Variants in MDGA2 observed in about 807,000 individuals in gnomAD.
MDGA2 encodes MAM domain-containing glycosylphosphatidylinositol anchor protein 2.
Under a neutral mutation model 117.8 loss-of-function variants are expected in MDGA2, and 40 were observed. That is an observed-to-expected ratio of 0.34 (90% CI 0.26 to 0.44). The LOEUF is 0.44. MDGA2 is among the 20% of genes least tolerant of loss of function. MDGA2 has a pLI of 1.00. For synonymous variants in MDGA2, 452 were observed against 439.0 expected (o/e 1.03, Z -0.37); for missense variants, 1,123 against 1,250.6 (o/e 0.90, Z 1.54).
intron 9 of MDGA2, among the ~76,000 whole-genome samples, chr14:46,944,639 A>G (rs1188210717): frequency 4.6e-5 from 7 of 151,586 alleles, no homozygotes; most frequent in African/African-American, 1.7e-4. Flanking sequence ...CAATCCCTCT[A>G]TTTTTTGATC....
chr14:47,451,744 G>A (rs999645049), intron 1 of MDGA2, among the ~76,000 whole-genome samples: 3 of 152,022 alleles, frequency 2.0e-5, no homozygotes, highest in Non-Finnish European at 2.9e-5. Context: ...CTGCCCAGTG[G>A]ATTTTTTTAT....
chr14:47,514,831 G>A (rs1594894999), intron 1 of MDGA2, among the ~76,000 whole-genome samples: 1 of 151,990 alleles, frequency 6.6e-6, no homozygotes, highest in South Asian at 2.1e-4. Context: ...TTACAAGGGG[G>A]TCACATCATG....
chr14:47,189,520 T>C (rs1208627285), intron 3 of MDGA2, among the ~76,000 whole-genome samples: 2 of 152,096 alleles, frequency 1.3e-5, no homozygotes. Flanking sequence ...TCATTTCTAT[T>C]CCTCCTTAAA....
At chr14:47,375,081 T>G (rs558071055) in intron 1 of MDGA2, among the ~76,000 whole-genome samples, 19 of 151,774 alleles carry the variant, frequency 1.3e-4, no homozygotes, top group African/African-American at 4.6e-4. Context: ...CAAAACCTGT[T>G]TTTTTTAATT....
chr14:47,560,588 G>A (rs1895780501), intron 1 of MDGA2, among the ~76,000 whole-genome samples: 1 of 152,002 alleles, frequency 6.6e-6, no homozygotes, highest in Admixed American at 6.6e-5. Flanking sequence ...TTGTAAAGTT[G>A]CTTATAGATT....
rs182586549 is a variant in MDGA2, at chr14:46,855,283, C to G, written c.2753-129G>C. On this transcript the variant is annotated intron_variant, in intron 14 of 16. Transcript: ENST00000399232. This position sits in a 1 kb window ranked among gnomAD's most constrained non-coding sequence, Gnocchi z 4.1. The stretch of plus-strand genomic sequence containing the variant: ...ACACTCTAGTGTCTTGTCCTCTCTT[C>G]TCCTCTCATTTCCTATCTTGCTCTT... 2.0e-5 allele frequency: 13 copies of G among 636,370 alleles called. No individual in the cohort carries two copies. In the Admixed American group the frequency reaches 3.7e-4, roughly 18 times the overall value. 39.4% of individuals were successfully genotyped at this position (636,370 alleles called of 1,614,324 possible). A position where few individuals can be genotyped will look rare whatever the true frequency, so the allele number is the denominator to read the frequency against.
At position 47,602,026 on chromosome 14, in the gene MDGA2, C is replaced by T. The variant is rs1422461955; in HGVS notation, c.280+72491G>A. The stretch of plus-strand genomic sequence containing the variant: ...ATTTACTCATTCAGAAACAATGATA[C>T]ATTTATGATGCAGAATAAATGATAC... On this transcript the variant is annotated intron_variant, in intron 1 of 16. Coordinates refer to ENST00000399232, the MANE Select transcript of MDGA2 (RefSeq NM_001113498.3). Among the ~76,000 whole-genome samples the T allele has an allele frequency of 2.0e-5, 3 of 152,150 alleles. No individual in the cohort carries two copies. The East Asian group carries it at 5.8e-4, about 29-fold the overall frequency.
chr14:47,627,925 GA>G (rs2138214969), intron 1 of MDGA2, among the ~76,000 whole-genome samples: 1 of 152,254 alleles, frequency 6.6e-6, no homozygotes, highest in Non-Finnish European at 1.5e-5. Context: ...ACATCAGAAG[GA>G]ACGAACTCCG....
At chr14:46,980,815 C>T (rs1270761478) in intron 8 of MDGA2, among the ~76,000 whole-genome samples, 21 of 152,092 alleles carry the variant, frequency 1.4e-4, no homozygotes, top group Admixed American at 6.5e-5. Context: ...GCTATGTACA[C>T]TTTTTAGACA....
At chr14:47,009,516 C>T (rs2138526520) in intron 8 of MDGA2, among the ~76,000 whole-genome samples, 1 of 152,102 alleles carries the variant, frequency 6.6e-6, no homozygotes, top group South Asian at 2.1e-4. Context: ...TTTTCTCTAA[C>T]CAAGCACATT....
intron 1 of MDGA2, among the ~76,000 whole-genome samples, chr14:47,472,739 G>A (rs1287481651): frequency 6.6e-6 from 1 of 152,070 alleles, no homozygotes; most frequent in African/African-American, 2.4e-5. Context: ...AAGAAGCTGT[G>A]GAGAGGGCTC....
intron 1 of MDGA2, among the ~76,000 whole-genome samples, chr14:47,428,255 T>A (rs1298872931): frequency 6.6e-6 from 1 of 152,158 alleles, no homozygotes; most frequent in African/African-American, 2.4e-5. Flanking sequence ...ATTAGTATCA[T>A]TCAGTCATTC....
chr14:47,633,408 A>C (rs927802713), intron 1 of MDGA2, among the ~76,000 whole-genome samples: 1 of 152,234 alleles, frequency 6.6e-6, no homozygotes, highest in Non-Finnish European at 1.5e-5. Flanking sequence ...TGCTCCTGGA[A>C]GGAATAATCA....
chr14:47,393,693 C>G (rs1172926240), intron 1 of MDGA2, among the ~76,000 whole-genome samples: 5 of 152,056 alleles, frequency 3.3e-5, no homozygotes, highest in Non-Finnish European at 7.4e-5. Flanking sequence ...GCTTCAAAGG[C>G]CAATGAAATC....
chr14:46,960,871 A>G (rs1205232047), intron 8 of MDGA2, among the ~76,000 whole-genome samples: 1 of 141,210 alleles, frequency 7.1e-6, no homozygotes, highest in Non-Finnish European at 1.5e-5. Flanking sequence ...TTTTATATAT[A>G]CACATGTTTT....
At chr14:47,554,963 A>G (rs1350404148) in intron 1 of MDGA2, among the ~76,000 whole-genome samples, 1 of 152,194 alleles carries the variant, frequency 6.6e-6, no homozygotes, top group African/African-American at 2.4e-5. Flanking sequence ...AGTCCAGACA[A>G]GCAAATAAGT....
intron 3 of MDGA2, among the ~76,000 whole-genome samples, chr14:47,174,054 C>T (rs901839342): frequency 6.6e-6 from 1 of 151,970 alleles, no homozygotes; most frequent in African/African-American, 2.4e-5. Context: ...ACAAAGAAGG[C>T]CATTACATAA....
At position 47,201,023 on chromosome 14, in the gene MDGA2, G is replaced by A. The variant is rs548302603; in HGVS notation, c.595+16998C>T. 7 of 1,064,838 alleles carry A rather than the reference G, an allele frequency of 6.6e-6. No individual in the cohort carries two copies. The South Asian group carries it at 7.5e-5, about 11-fold the overall frequency. The allele number at this position is 1,064,838 out of a possible 1,614,324, so 66.0% of individuals were successfully genotyped here. ...ACGACCACCACTTTCCTGCCCAGCA[G>A]TACCTGTTTAGCCACAATGGCCGCC... is the stretch of plus-strand genomic sequence containing the variant. On this transcript the variant is annotated intron_variant, in intron 3 of 16. Transcript: ENST00000399232.
chr14:47,165,726 C>A (rs1331362555), intron 3 of MDGA2, among the ~76,000 whole-genome samples: 3 of 152,048 alleles, frequency 2.0e-5, no homozygotes, highest in Non-Finnish European at 4.4e-5. Flanking sequence ...AGGCCTTTGC[C>A]AAAACTGATA....
Sources: gnomAD v4.1 joint callset for allele counts (sites outside exome capture counted in the v4.1 genomes callset) on GRCh38, gnomAD v4.1.1 for gene constraint, Gnocchi (gnomAD v3.1) non-coding constraint, MANE v1.5 for transcripts, NCBI Gene and HGNC (gene_info 2026-07-23, HGNC 2026-07-21) for gene names.